SLC25A48: variants seen among roughly 807,000 people sequenced by gnomAD.
SLC25A48 encodes CTC-321K16.1.
A neutral mutation model predicts 32.2 loss-of-function variants in SLC25A48; 29 were observed. The ratio of observed to expected loss-of-function variants is 0.90; its 90% CI spans 0.67 to 1.23. The LOEUF (loss-of-function observed/expected upper bound fraction) is 1.23. SLC25A48 is among the 50% of genes most tolerant of loss of function. SLC25A48 has a pLI of 0.00. For missense variants in SLC25A48, 399 were observed against 422.7 expected, an observed-to-expected ratio of 0.94 and a Z score of 0.49; for synonymous variants, 164 against 172.3, an observed-to-expected ratio of 0.95 and a Z score of 0.38.
chr5:135,762,767 G>A (rs1330940733), intron 3 of SLC25A48, among the ~76,000 whole-genome samples: 2 of 152,082 alleles, frequency 1.3e-5, no homozygotes, highest in African/African-American at 2.4e-5. Flanking sequence ...GAGCATGTGT[G>A]TAGGTTAGAG....
chr5:135,746,966 G>A (rs1048094343), intron 3 of SLC25A48, among the ~76,000 whole-genome samples: 6 of 149,442 alleles, frequency 4.0e-5, no homozygotes, highest in South Asian at 2.1e-4. Flanking sequence ...CTCTTGCCCC[G>A]TCATTAGATT....
intron 3 of SLC25A48, among the ~76,000 whole-genome samples, chr5:135,678,985 A>G (rs1179594792): frequency 3.3e-5 from 5 of 152,148 alleles, no homozygotes; most frequent in African/African-American, 1.2e-4. Flanking sequence ...CGGTGTCCAT[A>G]AGTCCAGGTG....
chr5:135,741,392 T>G (rs1398564449), intron 3 of SLC25A48, among the ~76,000 whole-genome samples: 3 of 152,190 alleles, frequency 2.0e-5, no homozygotes, highest in Non-Finnish European at 4.4e-5. Flanking sequence ...GTAATTAGGC[T>G]TTGTGGGCAA....
intron 4 of SLC25A48, among the ~76,000 whole-genome samples, chr5:135,818,754 C>A (rs1429852183): frequency 6.6e-6 from 1 of 151,984 alleles, no homozygotes; most frequent in Non-Finnish European, 1.5e-5. Context: ...AATGTCAACC[C>A]CAAGGTGGGC....
rs766567905 is a variant in SLC25A48, at chr5:135,629,700, A to G, written c.-709+324A>G. 1.3e-5 allele frequency among the ~76,000 whole-genome samples: 2 copies of G among 152,234 alleles called. No homozygotes were observed. Among genetic ancestry groups the G allele is most frequent in the African/African-American group, 4.8e-5 (2 of 41,470 alleles). ...GTGTGAAATGTGATCAGTTATCACA[A>G]CCAAGGAGCGAGGGAGCTGGGGCAT... On this transcript the variant is annotated intron_variant, in intron 2 of 10. Transcript: ENST00000646290. The surrounding 1 kb of genome is among the most constrained non-coding windows in gnomAD (Gnocchi z 4.8).
chr5:135,768,291 T>C (rs1756302544), intron 3 of SLC25A48, among the ~76,000 whole-genome samples: 1 of 149,840 alleles, frequency 6.7e-6, no homozygotes, highest in African/African-American at 2.5e-5. Context: ...TGATATTGTT[T>C]GTAATATGCA....
At chr5:135,762,150 G>C (rs982448077) in intron 3 of SLC25A48, among the ~76,000 whole-genome samples, 1 of 152,208 alleles carries the variant, frequency 6.6e-6, no homozygotes, top group Non-Finnish European at 1.5e-5. Flanking sequence ...TTGAAATGTG[G>C]TTAGCCAACT....
intron 1 of SLC25A48, among the ~76,000 whole-genome samples, chr5:135,602,279 T>C (rs1435069242): frequency 6.6e-6 from 1 of 152,236 alleles, no homozygotes; most frequent in Non-Finnish European, 1.5e-5. Flanking sequence ...CAATGTACTT[T>C]CCCCAAATCA....
chr5:135,767,187 ACC>A (rs34320053), intron 3 of SLC25A48, among the ~76,000 whole-genome samples: 2 of 144,782 alleles, frequency 1.4e-5, no homozygotes, highest in Non-Finnish European at 3.0e-5. Context: ...GGACAGGTAC[ACC>A]CCCCCCCCGT....
chr5:135,661,235 G>T (rs951563649), intron 3 of SLC25A48, among the ~76,000 whole-genome samples: 1 of 152,210 alleles, frequency 6.6e-6, no homozygotes, highest in African/African-American at 2.4e-5. Flanking sequence ...TTCCTTCACC[G>T]GATAGGCAGA....
chr5:135,780,786 G>T (rs1448008815), intron 3 of SLC25A48, among the ~76,000 whole-genome samples: 2 of 113,238 alleles, frequency 1.8e-5, no homozygotes, highest in African/African-American at 5.3e-5. Flanking sequence ...CCTAATATCC[G>T]GGGAGGTGGG....
chr5:135,692,360 C>T lies in SLC25A48; in HGVS notation c.-521+57404C>T, dbSNP rs184043249. On this transcript the variant is annotated intron_variant, in intron 3 of 10. Coordinates refer to the SLC25A48 transcript ENST00000646290. ...AGGTAGTCAGTAGCTCGTGCTAGTTCTTTGTCTGGCAGTGGGATTCTTTTC... is the reference window on the plus strand; with the variant it reads ...AGGTAGTCAGTAGCTCGTGCTAGTTTTTTGTCTGGCAGTGGGATTCTTTTC... Among the ~76,000 whole-genome samples, 338 of 135,852 alleles carry T rather than the reference C, an allele frequency of 2.5e-3. 1 individual carries two copies. The highest frequency in any genetic ancestry group is 8.4e-3 in the African/African-American group (306 of 36,562). The allele number at this position is 135,852 out of a possible 152,430, so 89.1% of individuals were successfully genotyped here. A position where few individuals can be genotyped will look rare whatever the true frequency, so the allele number is the denominator to read the frequency against.
At chr5:135,881,246 G>A (rs1022574404) in intron 7 of SLC25A48, among the ~76,000 whole-genome samples, 9 of 152,226 alleles carry the variant, frequency 5.9e-5, no homozygotes, top group Non-Finnish European at 8.8e-5. Context: ...ATCAGTCTTG[G>A]TTAGCACAAA....
intron 3 of SLC25A48, among the ~76,000 whole-genome samples, chr5:135,652,707 G>A (rs801557): frequency 0.28 from 41,979 of 152,030 alleles, 6,337 homozygotes; most frequent in East Asian, 0.62. Flanking sequence ...GAATACAAGG[G>A]TCTGGGAATC....
At chr5:135,732,986 A>T (rs1042302959) in intron 3 of SLC25A48, among the ~76,000 whole-genome samples, 2 of 152,204 alleles carry the variant, frequency 1.3e-5, no homozygotes, top group African/African-American at 2.4e-5. Flanking sequence ...AAGAGTTTTT[A>T]TTAAAGAGGC....
chr5:135,616,224 G>T (rs917980103), intron 1 of SLC25A48, among the ~76,000 whole-genome samples: 5 of 152,108 alleles, frequency 3.3e-5, no homozygotes, highest in Non-Finnish European at 7.4e-5. Flanking sequence ...TACCTAGTGG[G>T]GCTGTGAAAG....
rs1229619533 is a variant in SLC25A48 at position 135,629,133 on chromosome 5, T to C, written c.-848-104T>C. 6.6e-6 allele frequency: 1 copy of C among 152,232 alleles called. No individual in the cohort carries two copies. Among genetic ancestry groups the C allele is most frequent in the African/African-American group, 2.4e-5 (1 of 41,458 alleles). The allele number at this position is 152,232 out of a possible 1,614,324, so 9.4% of individuals were successfully genotyped here. A position where few individuals can be genotyped will look rare whatever the true frequency, so the allele number is the denominator to read the frequency against. ...GATCCAATTTTGCCTTGGGCTGCTGTGGATCATTTCACAGAAATTCAGGGC... is the reference window on the plus strand; with the variant it reads ...GATCCAATTTTGCCTTGGGCTGCTGCGGATCATTTCACAGAAATTCAGGGC... On this transcript the variant is annotated intron_variant, in intron 1 of 10. Transcript: ENST00000646290. The surrounding 1 kb of genome is among the most constrained non-coding windows in gnomAD (Gnocchi z 4.8).
At chr5:135,709,517 G>A (rs115028533) in intron 3 of SLC25A48, among the ~76,000 whole-genome samples, 2,671 of 152,324 alleles carry the variant, frequency 0.018, 38 homozygotes, top group Non-Finnish European at 0.025. Flanking sequence ...TACAGAAAGG[G>A]CAAGGCCCTG....
intron 1 of SLC25A48, among the ~76,000 whole-genome samples, chr5:135,603,597 G>T (rs888543479): frequency 6.6e-6 from 1 of 152,226 alleles, no homozygotes; most frequent in African/African-American, 2.4e-5. Flanking sequence ...GGGCCCTGGG[G>T]AGCCTGACCT....
Sources: gnomAD v4.1 joint callset for allele counts (sites outside exome capture counted in the v4.1 genomes callset) on GRCh38, gnomAD v4.1.1 for gene constraint, Gnocchi (gnomAD v3.1) non-coding constraint, MANE v1.5 for transcripts, NCBI Gene and HGNC (gene_info 2026-07-23, HGNC 2026-07-21) for gene names.